Variants in MYLK observed in about 807,000 individuals in gnomAD.
MYLK encodes myosin light chain kinase, also known as myosin light chain kinase, smooth muscle.
In MYLK, 106 loss-of-function variants were observed where a neutral mutation model predicts 203.4. That is an observed-to-expected ratio of 0.52 (90% CI 0.45 to 0.61). The LOEUF is 0.61. Ranked by LOEUF, MYLK falls within the 20% of genes least tolerant of loss-of-function variation. The pLI is 0.00. For synonymous variants in MYLK, 867 were observed against 959.5 expected (o/e 0.90, Z 1.78); for missense variants, 2,072 against 2,442.3 (o/e 0.85, Z 3.20).
At chr3:123,663,713 G>A (rs1222040515) in intron 23 of MYLK, among the ~76,000 whole-genome samples, 1 of 152,130 alleles carries the variant, frequency 6.6e-6, no homozygotes, top group Non-Finnish European at 1.5e-5. Context: ...CCTGGAGGGT[G>A]GAGTCAGGAT....
intron 2 of MYLK, among the ~76,000 whole-genome samples, chr3:123,869,280 C>T (rs930410896): frequency 6.6e-6 from 1 of 152,146 alleles, no homozygotes; most frequent in South Asian, 2.1e-4. Context: ...CTCCTCACTC[C>T]TCCCACACTG....
In MYLK at chr3:123,629,362, G is replaced by T. The variant is rs191908051; in HGVS notation, c.5114+112C>A. On this transcript the variant is annotated intron_variant, in intron 30 of 33. Coordinates refer to ENST00000360304, the MANE Select transcript of MYLK (RefSeq NM_053025.4). The surrounding 1 kb of genome is among the most constrained non-coding windows in gnomAD (Gnocchi z 4.4). ...CCCTTCCTCAGGGAATGCTAGGAACGACCCAAGGCGGGGTGGCAAGGAGGG... is the reference window on the plus strand; with the variant it reads ...CCCTTCCTCAGGGAATGCTAGGAACTACCCAAGGCGGGGTGGCAAGGAGGG... 11 of 1,341,000 alleles carry T rather than the reference G, an allele frequency of 8.2e-6. No homozygotes were observed. The highest frequency in any genetic ancestry group is 7.4e-5 in the Admixed American group (4 of 54,128). The allele number at this position is 1,341,000 out of a possible 1,614,324, so 83.1% of individuals were successfully genotyped here.
chr3:123,624,942 C>T (rs1322307430), intron 31 of MYLK: 1 of 152,230 alleles, frequency 6.6e-6, no homozygotes, highest in Non-Finnish European at 1.5e-5. Flanking sequence ...GATTTAGTCA[C>T]CTGGTGTGGT....
intron 4 of MYLK, among the ~76,000 whole-genome samples, chr3:123,789,232 T>A (rs2064672638): frequency 6.6e-6 from 1 of 151,620 alleles, no homozygotes; most frequent in Non-Finnish European, 1.5e-5. Flanking sequence ...CCCACCCTAC[T>A]TACATCCTGT....
At chr3:123,778,512 CA>C (rs5852365) in intron 4 of MYLK, among the ~76,000 whole-genome samples, 74,410 of 97,834 alleles carry the variant, frequency 0.76, 30,441 homozygotes, top group Non-Finnish European at 0.93. Flanking sequence ...GACTCTGCCT[CA>C]AAAAAAAAAA....
intron 23 of MYLK, among the ~76,000 whole-genome samples, chr3:123,662,704 T>C (rs2059603688): frequency 6.6e-6 from 1 of 152,244 alleles, no homozygotes; most frequent in African/African-American, 2.4e-5. Context: ...TTTTGTTCTG[T>C]GTGCCCACGT....
intron 23 of MYLK, 54 bp from the exon 24 acceptor site, chr3:123,657,482 G>C: frequency 6.3e-7 from 1 of 1,580,302 alleles, no homozygotes; most frequent in Admixed American, 1.7e-5. Context: ...GCAGGCAAAG[G>C]AAGTTTTTGA....
At chr3:123,854,599 T>G (rs898104370) in intron 2 of MYLK, among the ~76,000 whole-genome samples, 36 of 152,142 alleles carry the variant, frequency 2.4e-4, no homozygotes, top group African/African-American at 8.2e-4. Context: ...CACTGGTGAC[T>G]CCAAAAGGAG....
intron 4 of MYLK, among the ~76,000 whole-genome samples, chr3:123,786,999 T>C (rs1244796188): frequency 6.6e-6 from 1 of 152,258 alleles, no homozygotes; most frequent in African/African-American, 2.4e-5. Flanking sequence ...TTAAAAATAG[T>C]TTAGCATTTA....
intron 3 of MYLK, among the ~76,000 whole-genome samples, chr3:123,798,534 A>G (rs2065071048): frequency 6.6e-6 from 1 of 152,144 alleles, no homozygotes; most frequent in Non-Finnish European, 1.5e-5. Flanking sequence ...CTCTTGATCT[A>G]AAATCAGAGG....
intron 21 of MYLK, chr3:123,666,890 G>C: frequency 1.6e-6 from 1 of 608,886 alleles, no homozygotes; most frequent in Non-Finnish European, 2.9e-6. Flanking sequence ...AGTCCTGTAT[G>C]ATGCTGTCAA....
chr3:123,767,341 T>A (rs1163451616), intron 4 of MYLK, among the ~76,000 whole-genome samples: 1 of 152,212 alleles, frequency 6.6e-6, no homozygotes, highest in Non-Finnish European at 1.5e-5. Flanking sequence ...GTGTGGTGGC[T>A]CATGCCTGTA....
intron 31 of MYLK, chr3:123,623,430 C>A (rs1436633928): frequency 2.0e-5 from 3 of 152,174 alleles, no homozygotes. Flanking sequence ...TTGTAAAATT[C>A]TTTTAATATA....
intron 3 of MYLK, among the ~76,000 whole-genome samples, chr3:123,810,722 G>A (rs950328855): frequency 1.3e-5 from 2 of 152,174 alleles, no homozygotes; most frequent in African/African-American, 4.8e-5. Context: ...GGACTGGCCG[G>A]GAGTCCAGTC....
chr3:123,669,673 A>G (rs1576491505), intron 20 of MYLK, among the ~76,000 whole-genome samples: 1 of 152,132 alleles, frequency 6.6e-6, no homozygotes, highest in East Asian at 1.9e-4. Context: ...GTGTATATAT[A>G]CATGTATATA....
rs1191792491 is a variant in MYLK, at chr3:123,762,292, GA to G, written c.166-9755del. Among the ~76,000 whole-genome samples, 3 of 151,626 alleles carry G rather than the reference GA, an allele frequency of 2.0e-5. No individual in the cohort carries two copies. In the South Asian group the frequency reaches 6.3e-4, roughly 32 times the overall value. The stretch of plus-strand genomic sequence containing the variant: ...TTACCTAGGCTGAAGTGCAGTGGCA[GA>G]TCTTGGCTCACTGCAACCTCTACCT... On this transcript the variant is annotated intron_variant, in intron 4 of 33. Coordinates refer to ENST00000360304, the MANE Select transcript of MYLK (RefSeq NM_053025.4).
At chr3:123,690,205 T>C (rs1038551958) in intron 19 of MYLK, among the ~76,000 whole-genome samples, 1 of 152,120 alleles carries the variant, frequency 6.6e-6, no homozygotes, top group Non-Finnish European at 1.5e-5. Flanking sequence ...TATGCAGAGG[T>C]TGGGTGGGCA....
At chr3:123,734,252 G>T in intron 9 of MYLK, 30 bp from the exon 10 acceptor site, 6 of 1,424,688 alleles carry the variant, frequency 4.2e-6, no homozygotes, top group Non-Finnish European at 4.6e-6. Context: ...GGGGTAGGGT[G>T]GGTGAGGAGA....
intron 21 of MYLK, 130 bp from the exon 22 acceptor site, chr3:123,666,476 G>A: frequency 1.6e-6 from 2 of 1,284,870 alleles, no homozygotes; most frequent in Non-Finnish European, 2.2e-6. Context: ...GTAAGACTGA[G>A]GGGCAGTGAT....
Sources: gnomAD v4.1 joint callset for allele counts (sites outside exome capture counted in the v4.1 genomes callset) on GRCh38, gnomAD v4.1.1 for gene constraint, Gnocchi (gnomAD v3.1) non-coding constraint, MANE v1.5 for transcripts, NCBI Gene and HGNC (gene_info 2026-07-23, HGNC 2026-07-21) for gene names.